Variants in GALNTL6 observed in about 807,000 individuals in gnomAD.
GALNTL6 encodes polypeptide N-acetylgalactosaminyltransferase like 6.
A neutral mutation model predicts 73.7 loss-of-function variants in GALNTL6; 46 were observed. That is an observed-to-expected ratio of 0.62 (90% CI 0.49 to 0.80). The LOEUF is 0.80. Among genes scored for constraint, GALNTL6 ranks in the 30% least tolerant of loss-of-function variants. The pLI, the probability that GALNTL6 is intolerant of heterozygous loss-of-function variation, is 0.00. For synonymous variants in GALNTL6, 259 were observed against 263.7 expected (o/e 0.98, Z 0.17); for missense variants, 604 against 755.0 (o/e 0.80, Z 2.34).
chr4:171,904,209 A>G (rs1184520564), intron 2 of GALNTL6, among the ~76,000 whole-genome samples: 1 of 152,198 alleles, frequency 6.6e-6, no homozygotes, highest in African/African-American at 2.4e-5. Context: ...CTACAGGAGG[A>G]CATTCAAACC....
At chr4:172,458,863 A>T (rs1169368524) in intron 5 of GALNTL6, among the ~76,000 whole-genome samples, 1 of 152,220 alleles carries the variant, frequency 6.6e-6, no homozygotes, top group African/African-American at 2.4e-5. Flanking sequence ...AACTCATTTT[A>T]TGAGGCCAGA....
At chr4:172,476,922 C>CTT (rs149479550) in intron 5 of GALNTL6, among the ~76,000 whole-genome samples, 24 of 113,326 alleles carry the variant, frequency 2.1e-4, no homozygotes, top group African/African-American at 3.7e-4. Context: ...GCTTAAGAGA[C>CTT]TTTTTTTTTT....
At chr4:171,839,770 G>C (rs1486722552) in intron 2 of GALNTL6, among the ~76,000 whole-genome samples, 1 of 151,956 alleles carries the variant, frequency 6.6e-6, no homozygotes, top group East Asian at 1.9e-4. Flanking sequence ...GCAGAAAGGT[G>C]AAACCCAAGA....
At chr4:172,250,805 T>C (rs965433644) in intron 3 of GALNTL6, among the ~76,000 whole-genome samples, 2 of 152,146 alleles carry the variant, frequency 1.3e-5, no homozygotes, top group Non-Finnish European at 2.9e-5. Context: ...TTAAAAAACT[T>C]TGGCCAGAGG....
intron 2 of GALNTL6, among the ~76,000 whole-genome samples, chr4:171,856,126 G>A (rs1332089424): frequency 3.9e-5 from 6 of 151,904 alleles, no homozygotes; most frequent in African/African-American, 7.3e-5. Flanking sequence ...GTTTTGAGAC[G>A]GAGTCTTGCT....
At chr4:171,942,267 T>TAG (rs373870884) in intron 2 of GALNTL6, among the ~76,000 whole-genome samples, 1 of 148,006 alleles carries the variant, frequency 6.8e-6, no homozygotes, top group Non-Finnish European at 1.5e-5. Flanking sequence ...AATAAATAAA[T>TAG]ATAATATACA....
At chr4:172,961,881 T>G (rs890086718) in intron 10 of GALNTL6, among the ~76,000 whole-genome samples, 1 of 152,214 alleles carries the variant, frequency 6.6e-6, no homozygotes, top group Non-Finnish European at 1.5e-5. Context: ...TCCCCCGATC[T>G]GAGTCATGGC....
intron 10 of GALNTL6, among the ~76,000 whole-genome samples, chr4:172,993,105 A>G (rs184138863): frequency 3.2e-4 from 49 of 152,254 alleles, no homozygotes; most frequent in Non-Finnish European, 6.0e-4. Flanking sequence ...TGTCCCCCCA[A>G]AAATTCGTAT....
At chr4:172,295,564 A>G (rs1284502567) in intron 3 of GALNTL6, among the ~76,000 whole-genome samples, 2 of 79,712 alleles carry the variant, frequency 2.5e-5, no homozygotes, top group African/African-American at 1.1e-4. Flanking sequence ...TTTGGTAACT[A>G]GCTAGTTCTG....
intron 4 of GALNTL6, among the ~76,000 whole-genome samples, chr4:172,319,772 C>T (rs564457694): frequency 6.6e-6 from 1 of 152,258 alleles, no homozygotes; most frequent in South Asian, 2.1e-4. Flanking sequence ...ACTCCCCTGA[C>T]TTGATCCCTG....
intron 8 of GALNTL6, among the ~76,000 whole-genome samples, chr4:172,911,278 T>G (rs988426761): frequency 1.3e-5 from 2 of 152,248 alleles, no homozygotes; most frequent in Non-Finnish European, 2.9e-5. Context: ...ACACATGGTT[T>G]TGTTAGAAAT....
At chr4:172,477,924 C>CA (rs1423138098) in intron 5 of GALNTL6, among the ~76,000 whole-genome samples, 7 of 151,904 alleles carry the variant, frequency 4.6e-5, no homozygotes, top group African/African-American at 1.7e-4. Flanking sequence ...TTAGTGGAAA[C>CA]AAACTTCTGC....
chr4:172,265,269 A>G (rs770758459), intron 3 of GALNTL6, among the ~76,000 whole-genome samples: 1 of 152,018 alleles, frequency 6.6e-6, no homozygotes, highest in Non-Finnish European at 1.5e-5. Context: ...AGGTTACAAA[A>G]TAGTCATGGA....
rs146083047 is a variant in GALNTL6, at chr4:173,002,909, T to C, written c.1372-6269T>C. On this transcript the variant is annotated intron_variant, in intron 10 of 12. Transcript: ENST00000506823. ...AAATGGCAAACACGGTATGGTTCCA[T>C]TTATATGAGGTTTACAAAATATTAT... is the stretch of plus-strand genomic sequence containing the variant. Among the ~76,000 whole-genome samples, 589 of 152,232 alleles carry C rather than the reference T, an allele frequency of 3.9e-3. 4 individuals are homozygous for C. Among genetic ancestry groups the C allele is most frequent in the African/African-American group, 0.014 (563 of 41,540 alleles).
At chr4:172,982,330 A>G (rs1431443939) in intron 10 of GALNTL6, among the ~76,000 whole-genome samples, 3 of 152,200 alleles carry the variant, frequency 2.0e-5, no homozygotes, top group Non-Finnish European at 4.4e-5. Context: ...TCACACCAGA[A>G]TAAAGCCAAG....
intron 2 of GALNTL6, among the ~76,000 whole-genome samples, chr4:172,077,519 A>G (rs1159034554): frequency 6.6e-6 from 1 of 152,056 alleles, no homozygotes; most frequent in East Asian, 1.9e-4. Flanking sequence ...CTTGAGAGAG[A>G]TGATTTAGGG....
rs368389620 is a variant in GALNTL6 at position 172,466,079 on chromosome 4, T to G, written c.553+117390T>G. 3.3e-5 allele frequency among the ~76,000 whole-genome samples: 5 copies of G among 152,318 alleles called. No individual in the cohort carries two copies. In the East Asian group the frequency reaches 9.6e-4, roughly 29 times the overall value. ...AAATGAGATTATGTCATAAAATGCG[T>G]CTTTAATAACTTTTAGTAACATTTT... is the stretch of plus-strand genomic sequence containing the variant. On this transcript the variant is annotated intron_variant, in intron 5 of 12. Transcript: ENST00000506823.
chr4:172,262,320 A>T (rs186784148), intron 3 of GALNTL6, among the ~76,000 whole-genome samples: 1 of 151,628 alleles, frequency 6.6e-6, no homozygotes, highest in Non-Finnish European at 1.5e-5. Context: ...TGTTAGGTGC[A>T]TATATATTTA....
chr4:172,142,989 A>T (rs1371992170), intron 2 of GALNTL6, among the ~76,000 whole-genome samples: 1 of 151,974 alleles, frequency 6.6e-6, no homozygotes, highest in Non-Finnish European at 1.5e-5. Flanking sequence ...TATTTAATGT[A>T]TGTATGTATG....
Sources: allele counts gnomAD v4.1 joint callset (sites outside exome capture counted in the v4.1 genomes callset), GRCh38; gene constraint gnomAD v4.1.1; transcripts MANE v1.5; gene names NCBI Gene and HGNC (gene_info 2026-07-23, HGNC 2026-07-21).